The following PCDH11X variants were observed in gnomAD, a reference collection of about 807,000 sequenced individuals.
PCDH11X encodes protocadherin-11 X-linked.
PCDH11X carries 18 observed loss-of-function variants against 53.3 expected under a neutral mutation model. The observed-to-expected ratio is 0.34, with a 90% CI of 0.23 to 0.50. The LOEUF (loss-of-function observed/expected upper bound fraction) is 0.50, where lower values mean the gene tolerates loss of function less well. PCDH11X is among the 20% of genes least tolerant of loss of function. The probability of loss-of-function intolerance (pLI) is 0.98; values close to 1 mark genes in which losing one functional copy is unlikely to be tolerated. For synonymous variants in PCDH11X, 279 were observed against 393.3 expected (o/e 0.71, Z 3.44); for missense variants, 570 against 1,032.4 (o/e 0.55, Z 6.14).
rs181746059 is a variant in PCDH11X, at chrX:92,296,036, C to T, written c.3144+32893C>T. Among the ~76,000 whole-genome samples, 281 of 108,428 alleles carry T rather than the reference C, an allele frequency of 2.6e-3. 4 individuals carry two copies. Among genetic ancestry groups the T allele is most frequent in the Admixed American group, 0.025 (251 of 10,112 alleles). The allele number at this position is 108,428 out of a possible 115,157, so 94.2% of individuals were successfully genotyped here. A position where few individuals can be genotyped will look rare whatever the true frequency, so the allele number is the denominator to read the frequency against. On this transcript the variant is annotated intron_variant, in intron 8 of 10. Transcript: ENST00000682573. The stretch of plus-strand genomic sequence containing the variant: ...AGGCGAGGTTGCAGTGAGCCGAGAT[C>T]GTGCCATTGCACTCCAGTCTGGGCA...
intron 7 of PCDH11X, among the ~76,000 whole-genome samples, chrX:92,241,030 G>T (rs1019978320): frequency 9.0e-6 from 1 of 111,110 alleles, no homozygotes; most frequent in Non-Finnish European, 1.9e-5. Context: ...AGGTTACACT[G>T]CCTCAGAAGA....
chrX:92,495,282 T>C (rs1217977902), intron 10 of PCDH11X, among the ~76,000 whole-genome samples: 1 of 109,980 alleles, frequency 9.1e-6, no homozygotes, highest in African/African-American at 3.3e-5. Context: ...ATCCAGATAA[T>C]CTTAGGTTCA....
At chrX:92,280,919 T>C (rs2148444506) in intron 8 of PCDH11X, among the ~76,000 whole-genome samples, 1 of 110,951 alleles carries the variant, frequency 9.0e-6, no homozygotes, top group Non-Finnish European at 1.9e-5. Context: ...AAAATAAACA[T>C]TGTTTTCAGC....
intron 6 of PCDH11X, among the ~76,000 whole-genome samples, chrX:92,182,248 C>T (rs1442421304): frequency 9.0e-6 from 1 of 111,394 alleles, no homozygotes; most frequent in Non-Finnish European, 1.9e-5. Flanking sequence ...ACTTGTAGCC[C>T]CTTTGTTTTG....
At position 92,619,986 on chromosome X, in the gene PCDH11X, G is replaced by GTAGA. The variant is rs1257064959; in HGVS notation, c.*1049_*1052dup. On this transcript the variant is annotated 3_prime_UTR_variant, in exon 11 of 11. Coordinates refer to ENST00000682573, the MANE Select transcript of PCDH11X (RefSeq NM_032968.5). ...GTAAAAATAACAAATACATGTAACT[G>GTAGA]TAGATAAAACCATATACTAAATCTA... The GTAGA allele has an allele frequency of 9.0e-6, 1 of 111,066 alleles. No homozygotes were observed. The highest frequency in any genetic ancestry group is 3.3e-5 in the African/African-American group (1 of 30,550). 9.2% of individuals were successfully genotyped at this position (111,066 alleles called of 1,213,427 possible). A position where few individuals can be genotyped will look rare whatever the true frequency, so the allele number is the denominator to read the frequency against.
intron 7 of PCDH11X, among the ~76,000 whole-genome samples, chrX:92,222,199 A>T (rs923634286): frequency 2.7e-5 from 3 of 110,963 alleles, no homozygotes; most frequent in Non-Finnish European, 5.7e-5. Context: ...GTGATGTGAA[A>T]GTATTTTGTA....
chrX:92,133,449 C>A (rs760561610), intron 6 of PCDH11X, among the ~76,000 whole-genome samples: 1 of 111,705 alleles, frequency 9.0e-6, no homozygotes, highest in Admixed American at 9.5e-5. Flanking sequence ...TCACCACAAC[C>A]TCTACCTCCT....
At chrX:91,983,584 G>C (rs1403770552) in intron 6 of PCDH11X, 1 of 425,361 alleles carries the variant, frequency 2.4e-6, no homozygotes, top group African/African-American at 2.5e-5. Context: ...GAACTAAGTG[G>C]AGCCAGCTGC....
rs1281990518 is a variant in PCDH11X, at chrX:91,877,758, C to T, written c.1518C>T (p.Gly506=). The T allele has an allele frequency of 2.5e-6, 3 of 1,209,632 alleles. No individual in the cohort carries two copies. Among genetic ancestry groups the T allele is most frequent in the South Asian group, 1.8e-5 (1 of 56,771 alleles). The change falls in exon 6 of 11, where the codon GGC becomes GGT. Residue 506 remains glycine, a synonymous_variant. Coordinates refer to ENST00000682573, the MANE Select transcript of PCDH11X (RefSeq NM_032968.5). ...GPNAKINYLL[G]PDAPPEFSLD... Reference sequence around the variant, plus strand: ...ATGCTAAGATCAATTACCTGCTAGGCCCTGATGCTCCACCTGAATTCAGCC... The same window carrying T: ...ATGCTAAGATCAATTACCTGCTAGGTCCTGATGCTCCACCTGAATTCAGCC...
intron 6 of PCDH11X, among the ~76,000 whole-genome samples, chrX:92,177,902 G>C (rs1407591299): frequency 9.1e-6 from 1 of 110,223 alleles, no homozygotes; most frequent in Middle Eastern, 4.3e-3. Context: ...AACACAATTT[G>C]GAAAATGTTC....
chrX:91,964,699 T>C (rs752677494), intron 6 of PCDH11X, among the ~76,000 whole-genome samples: 1 of 112,349 alleles, frequency 8.9e-6, no homozygotes, highest in African/African-American at 3.2e-5. Flanking sequence ...CAGATTTTCC[T>C]CCATCAGCAG....
Position 92,618,710 on chromosome X carries a change from G to A in PCDH11X, c.3814G>A (p.Ala1272Thr), listed in dbSNP as rs751404608. 8.3e-7 allele frequency: 1 copy of A among 1,211,972 alleles called. No individual in the cohort carries two copies. Among genetic ancestry groups the A allele is most frequent in the Admixed American group, 2.2e-5 (1 of 46,078 alleles). ...GGTTATTGCCCTCCATCGTAGTCAG[G>A]CCCAATCATCAGTCAGTTTGCAGCA... ...PQVIALHRSQ[A>T]QSSVSLQQGW... Residue 1272 changes from alanine to threonine, a missense_variant, in exon 11 of 11, where the codon GCC becomes ACC. Around this residue, in one of 6 missense-constraint regions of PCDH11X, gnomAD observed 234 missense variants for 296.1 expected, o/e 0.79. Transcript: ENST00000682573.
chrX:92,127,852 C>T (rs1462360860), intron 6 of PCDH11X, among the ~76,000 whole-genome samples: 1 of 111,240 alleles, frequency 9.0e-6, no homozygotes, highest in African/African-American at 3.3e-5. Context: ...AGTCACATAA[C>T]TCTACCCAAA....
chrX:92,533,265 T>A (rs2074592493), intron 10 of PCDH11X, among the ~76,000 whole-genome samples: 1 of 111,163 alleles, frequency 9.0e-6, no homozygotes, highest in African/African-American at 3.3e-5. Flanking sequence ...ATAAATATTT[T>A]GAATACCCTA....
At chrX:92,598,510 G>A (rs1410561320) in intron 10 of PCDH11X, among the ~76,000 whole-genome samples, 9 of 104,515 alleles carry the variant, frequency 8.6e-5, no homozygotes, top group East Asian at 3.0e-4. Flanking sequence ...ATATCATCTC[G>A]CCCCAGTTAA....
chrX:92,295,154 A>G (rs1320571918), intron 8 of PCDH11X, among the ~76,000 whole-genome samples: 1 of 108,368 alleles, frequency 9.2e-6, no homozygotes, highest in Non-Finnish European at 1.9e-5. Flanking sequence ...GTAAATGCAA[A>G]CAGAATATGA....
chrX:91,883,127 G>A (rs756437251), intron 6 of PCDH11X: 3 of 989,324 alleles, frequency 3.0e-6, no homozygotes, highest in South Asian at 2.5e-5. Context: ...CTGTAATCTG[G>A]CAATGGAAAT....
chrX:92,174,597 G>A lies in PCDH11X; in HGVS notation c.3034-26778G>A, dbSNP rs183976284. On this transcript the variant is annotated intron_variant, in intron 6 of 10. Coordinates refer to ENST00000682573, the MANE Select transcript of PCDH11X (RefSeq NM_032968.5). ...GAATGTTCATTTGAGAAGATTGCAT[G>A]CTGAAACCAAGAGAATGTTTGATTT... 1.3e-3 allele frequency among the ~76,000 whole-genome samples: 149 copies of A among 111,987 alleles called. 1 individual carries two copies. Among genetic ancestry groups the A allele is most frequent in the Non-Finnish European group, 1.5e-3 (79 of 53,245 alleles).
chrX:91,830,702 T>C (rs1376185838), intron 4 of PCDH11X, among the ~76,000 whole-genome samples: 1 of 111,339 alleles, frequency 9.0e-6, no homozygotes, highest in African/African-American at 3.3e-5. Context: ...ATTATGGCTG[T>C]TAAATGGTGT....
Sources: allele counts gnomAD v4.1 joint callset (sites outside exome capture counted in the v4.1 genomes callset), GRCh38; gene constraint gnomAD v4.1.1; regional missense constraint gnomAD v4.1.1; transcripts MANE v1.5; gene names NCBI Gene and HGNC (gene_info 2026-07-23, HGNC 2026-07-21).